RABL6: variants seen among roughly 807,000 people sequenced by gnomAD.
RABL6 encodes RAB, member RAS oncogene family like 6, also known as rab-like protein 6.
Under a neutral mutation model 72.9 loss-of-function variants are expected in RABL6, and 28 were observed. The ratio of observed to expected loss-of-function variants is 0.38; its 90% CI spans 0.28 to 0.53. The LOEUF (loss-of-function observed/expected upper bound fraction) is 0.53. RABL6 is among the 20% of genes least tolerant of loss of function. RABL6 has a pLI of 0.80. For synonymous variants in RABL6, 477 were observed against 421.2 expected (o/e 1.13, Z -1.62); for missense variants, 1,029 against 1,008.4 (o/e 1.02, Z -0.28).
intron 1 of RABL6, among the ~76,000 whole-genome samples, chr9:136,815,698 AGG>A: frequency 1.3e-5 from 2 of 152,222 alleles, no homozygotes; most frequent in Non-Finnish European, 2.9e-5. Flanking sequence ...GGGCCTGGTT[AGG>A]AGTTAAACCT....
At chr9:136,838,232 C>T (rs1246201151) in intron 10 of RABL6, among the ~76,000 whole-genome samples, 1 of 152,236 alleles carries the variant, frequency 6.6e-6, no homozygotes, top group Non-Finnish European at 1.5e-5. Context: ...GCTCTGCCCA[C>T]ACCCTGGAGA....
Position 136,829,445 on chromosome 9 carries a change from G to T in RABL6, c.419G>T (p.Cys140Phe). ...DAEFLDVYKNCNGVVMMFDIT... is the reference protein window; with the variant it reads ...DAEFLDVYKNFNGVVMMFDIT... ...GAGTTCCTGGACGTGTACAAGAACT[G>T]CAACGGGGTGGTCATGATGTTCGAC... is the stretch of plus-strand genomic sequence containing the variant. The change falls in exon 5 of 15, where the codon TGC becomes TTC. Residue 140 changes from cysteine to phenylalanine, a missense_variant. Physicochemically the swap from Cys to Phe is radical, Grantham distance 205. Transcript: ENST00000311502. 1.3e-6 allele frequency: 2 copies of T among 1,588,320 alleles called. No individual in the cohort carries two copies. Among genetic ancestry groups the T allele is most frequent in the Non-Finnish European group, 1.7e-6 (2 of 1,167,732 alleles).
At chr9:136,832,203 G>A in intron 6 of RABL6, 62 bp from the exon 7 acceptor site, 2 of 1,458,558 alleles carry the variant, frequency 1.4e-6, no homozygotes, top group East Asian at 2.3e-5. Flanking sequence ...TGGGCCCAGG[G>A]GTGATCCTTG....
intron 1 of RABL6, chr9:136,808,668 C>T (rs1847928038): frequency 6.4e-6 from 1 of 155,350 alleles, no homozygotes; most frequent in South Asian, 2.1e-4. Context: ...GCAGGGCCCG[C>T]CGGCCCGGGG....
At position 136,840,147 on chromosome 9, in the gene RABL6, T is replaced by C. The variant is rs770552809; in HGVS notation, c.1931-7T>C. On this transcript the variant is annotated splice_region_variant and splice_polypyrimidine_tract_variant and intron_variant, in intron 13 of 14. Transcript: ENST00000311502. Reference sequence around the variant, plus strand: ...AGTTTGAGCCACTGTCTGTCCTGTCTGTGCAGGTAAGGAGGGCAAAACCCC... The same window carrying C: ...AGTTTGAGCCACTGTCTGTCCTGTCCGTGCAGGTAAGGAGGGCAAAACCCC... 1.9e-6 allele frequency: 3 copies of C among 1,612,748 alleles called. No homozygotes were observed. Among genetic ancestry groups the C allele is most frequent in the South Asian group, 2.2e-5 (2 of 91,072 alleles).
chr9:136,828,707 T>C (rs1364518614), intron 4 of RABL6, among the ~76,000 whole-genome samples, 161 bp downstream of exon 4: 1 of 152,178 alleles, frequency 6.6e-6, no homozygotes, highest in Admixed American at 6.5e-5. Context: ...CACACTGCCA[T>C]GGCTGTATCT....
At chr9:136,831,616 TGA>T (rs1848475255) in intron 5 of RABL6, 103 bp from the exon 6 acceptor site, 2 of 1,503,884 alleles carry the variant, frequency 1.3e-6, no homozygotes, top group Admixed American at 3.5e-5. Flanking sequence ...ATGTTGGAAA[TGA>T]GAAGCAGCCA....
At chr9:136,831,700 G>T (rs1848477177) in intron 5 of RABL6, 21 bp from the exon 6 acceptor site, 2 of 1,612,634 alleles carry the variant, frequency 1.2e-6, no homozygotes. Context: ...AACTAAGCCA[G>T]GTCCTCACCT....
intron 1 of RABL6, among the ~76,000 whole-genome samples, chr9:136,820,757 AATG>A (rs1300278109): frequency 3.9e-5 from 6 of 152,238 alleles, no homozygotes; most frequent in Non-Finnish European, 4.4e-5. Flanking sequence ...ACAGCTGGTA[AATG>A]ATATGAAAAA....
At position 136,840,628 on chromosome 9, in the gene RABL6, T is replaced by G. The variant is rs1186021026; in HGVS notation, c.*106T>G. ...CTTTGCCGCTGCCCCGTGGCTGCCG[T>G]GTGCGCTTCTGAGCTGGAAGAGGCC... On this transcript the variant is annotated 3_prime_UTR_variant, in exon 15 of 15. Coordinates refer to ENST00000311502, the MANE Select transcript of RABL6 (RefSeq NM_024718.5). The G allele has an allele frequency of 3.9e-6, 6 of 1,549,598 alleles. No individual in the cohort carries two copies. The East Asian group carries it at 9.8e-5, about 25-fold the overall frequency.
At chr9:136,810,360 C>T (rs891454410) in intron 1 of RABL6, among the ~76,000 whole-genome samples, 4 of 152,138 alleles carry the variant, frequency 2.6e-5, no homozygotes, top group African/African-American at 9.7e-5. Flanking sequence ...GTCTCCAGTA[C>T]TTGGAGAACA....
chr9:136,840,983 A>T lies in RABL6; in HGVS notation c.*461A>T. The T allele has an allele frequency of 6.9e-7, 1 of 1,448,094 alleles. No homozygotes were observed. 89.7% of individuals were successfully genotyped at this position (1,448,094 alleles called of 1,614,324 possible). A position where few individuals can be genotyped will look rare whatever the true frequency, so the allele number is the denominator to read the frequency against. On this transcript the variant is annotated 3_prime_UTR_variant, in exon 15 of 15. Transcript: ENST00000311502. ...GGGAGCCCTGAACACGGGTGTGCAG[A>T]CTCACCCTAAAGGGCGGCCCAGGCC...
At chr9:136,823,281 C>G (rs906243588) in intron 1 of RABL6, among the ~76,000 whole-genome samples, 3 of 150,722 alleles carry the variant, frequency 2.0e-5, no homozygotes, top group African/African-American at 7.5e-5. Context: ...AAGTAGAAAG[C>G]TGCCCCCTGG....
intron 1 of RABL6, chr9:136,809,044 GC>G (rs1324710949): frequency 6.6e-6 from 1 of 152,214 alleles, no homozygotes; most frequent in East Asian, 1.9e-4. Context: ...CATCTTGCGG[GC>G]TCTTTCCCAG....
At chr9:136,832,014 G>A in intron 6 of RABL6, 153 bp downstream of exon 6, 1 of 1,215,720 alleles carries the variant, frequency 8.2e-7, no homozygotes, top group Non-Finnish European at 1.1e-6. Flanking sequence ...TGAAGCCTGG[G>A]TCTCCCCGAT....
intron 12 of RABL6, 57 bp from the exon 13 acceptor site, chr9:136,839,637 C>T: frequency 1.3e-6 from 2 of 1,546,866 alleles, no homozygotes; most frequent in Non-Finnish European, 1.7e-6. Context: ...TGAGATCCCA[C>T]AACCCCTGGG....
At chr9:136,838,048 G>A (rs977790950) in intron 10 of RABL6, 33 bp downstream of exon 10, 15 of 1,548,406 alleles carry the variant, frequency 9.7e-6, no homozygotes, top group Non-Finnish European at 1.3e-5. Context: ...CTCTCCCATT[G>A]CCCCCCAGCC....
chr9:136,839,872 G>GCC lies in RABL6; in HGVS notation c.1930+7_1930+8insCC. ...AAGGAGAGCAGTGAGGAAGGTGGGT[G>GCC]GGGGCACCAGAGTGCGGTCAGCCTG... On this transcript the variant is annotated splice_region_variant and intron_variant, in intron 13 of 14. Transcript: ENST00000311502. 6.2e-7 allele frequency: 1 copy of GCC among 1,610,124 alleles called. No homozygotes were observed. The highest frequency in any genetic ancestry group is 8.5e-7 in the Non-Finnish European group (1 of 1,178,828).
chr9:136,826,074 C>T lies in RABL6; in HGVS notation c.313+248C>T, dbSNP rs993513857. ...CTCTGAGTGACCGCGTGCACGGTGG[C>T]GGCAGGTGCAGCCGGGGGGTGTGCT... On this transcript the variant is annotated intron_variant, in intron 3 of 14. Coordinates refer to ENST00000311502, the MANE Select transcript of RABL6 (RefSeq NM_024718.5). The surrounding 1 kb of genome is among the most constrained non-coding windows in gnomAD (Gnocchi z 4.9). Among the ~76,000 whole-genome samples the T allele has an allele frequency of 3.3e-5, 5 of 152,172 alleles. No individual in the cohort carries two copies. The highest frequency in any genetic ancestry group is 2.1e-4 in the South Asian group (1 of 4,830).
Sources: allele counts gnomAD v4.1 joint callset (sites outside exome capture counted in the v4.1 genomes callset), GRCh38; gene constraint gnomAD v4.1.1; non-coding constraint Gnocchi (gnomAD v3.1); transcripts MANE v1.5; gene names NCBI Gene and HGNC (gene_info 2026-07-23, HGNC 2026-07-21).